Variants in VSX2 observed in about 807,000 individuals in gnomAD.
VSX2 encodes the protein ceh-10 homeo domain containing homolog.
Under a neutral mutation model 32.1 loss-of-function variants are expected in VSX2, and 28 were observed. That is an observed-to-expected ratio of 0.87 (90% CI 0.65 to 1.20). VSX2 has a LOEUF of 1.20. Ranked by LOEUF, VSX2 falls within the 50% of genes most tolerant of loss-of-function variation. The pLI is 0.00. For missense variants in VSX2, 506 were observed against 488.7 expected (o/e 1.04, Z -0.33); for synonymous variants, 243 against 214.1 (o/e 1.14, Z -1.18).
At chr14:74,242,604 C>T (rs1251143849) in intron 2 of VSX2, among the ~76,000 whole-genome samples, 2 of 132,008 alleles carry the variant, frequency 1.5e-5, no homozygotes, top group African/African-American at 2.7e-5. Flanking sequence ...TTTTTTTGGT[C>T]TTGATCTTTG....
chr14:74,260,511 C>A, intron 4 of VSX2, 83 bp from the exon 5 acceptor site: 1 of 1,351,290 alleles, frequency 7.4e-7, no homozygotes, highest in Non-Finnish European at 1.0e-6. Flanking sequence ...TTAATTCTGG[C>A]CTCTCTCTAT....
At chr14:74,245,787 C>T (rs886249839) in intron 3 of VSX2, among the ~76,000 whole-genome samples, 1 of 152,140 alleles carries the variant, frequency 6.6e-6, no homozygotes, top group African/African-American at 2.4e-5. Flanking sequence ...TGCTTCCCAC[C>T]ACTCCATCCA....
chr14:74,247,697 T>C (rs1264196568), intron 3 of VSX2, among the ~76,000 whole-genome samples: 1 of 152,140 alleles, frequency 6.6e-6, no homozygotes, highest in Non-Finnish European at 1.5e-5. Context: ...TTTGAAGTCT[T>C]TGCTTTGACT....
intron 2 of VSX2, among the ~76,000 whole-genome samples, chr14:74,244,881 AGTGTGTGTGTGTGTGTGTGTGTGT>A (rs57885912): frequency 1.4e-4 from 7 of 51,260 alleles, no homozygotes; most frequent in Admixed American, 2.3e-4. Flanking sequence ...AGAGAGAGAA[AGTGTGTGTGTGTGTGTGTGTGTGT>A]GTGTGTGTGT....
intron 2 of VSX2, 149 bp from the exon 3 acceptor site, chr14:74,245,016 G>T (rs973112044): frequency 1.5e-5 from 12 of 820,824 alleles, no homozygotes; most frequent in Non-Finnish European, 2.4e-5. Context: ...GACAGAGAGA[G>T]AGAGAGAGAG....
chr14:74,246,425 C>T (rs1594755027), intron 3 of VSX2, among the ~76,000 whole-genome samples: 1 of 152,286 alleles, frequency 6.6e-6, no homozygotes, highest in African/African-American at 2.4e-5. Flanking sequence ...TGAGGCCTTC[C>T]TCTCCCCTGG....
chr14:74,261,262 T>G lies in VSX2; in HGVS notation c.*343T>G. The G allele has an allele frequency of 9.3e-6, 3 of 322,906 alleles. No homozygotes were observed. Among genetic ancestry groups the G allele is most frequent in the Non-Finnish European group, 1.2e-5 (2 of 171,284 alleles). The allele number at this position is 322,906 out of a possible 1,614,324, so 20.0% of individuals were successfully genotyped here. ...GTTCTCTTGCTTTAAAGAGTCCTCC[T>G]TCCCAGCTCTACATTCTGCTCTGCC... On this transcript the variant is annotated 3_prime_UTR_variant, in exon 5 of 5. Coordinates refer to ENST00000261980, the MANE Select transcript of VSX2 (RefSeq NM_182894.3).
chr14:74,253,573 A>G (rs2079243128), intron 3 of VSX2, among the ~76,000 whole-genome samples: 1 of 152,218 alleles, frequency 6.6e-6, no homozygotes, highest in African/African-American at 2.4e-5. Flanking sequence ...TTTAATTTCC[A>G]CCAGAAACCT....
intron 2 of VSX2, among the ~76,000 whole-genome samples, 157 bp from the exon 3 acceptor site, chr14:74,244,996 GAGAGAGAGAGAC>G (rs1213387570): frequency 1.5e-5 from 2 of 134,106 alleles, no homozygotes; most frequent in African/African-American, 5.7e-5. Context: ...GAGAGAGAGA[GAGAGAGAGAGAC>G]AGAGAGAGAG....
chr14:74,252,635 C>A (rs1434872723), intron 3 of VSX2, among the ~76,000 whole-genome samples: 1 of 151,924 alleles, frequency 6.6e-6, no homozygotes, highest in East Asian at 2.0e-4. Context: ...GTGATCCACC[C>A]GACTCGGCCT....
At chr14:74,240,023 A>G in intron 1 of VSX2, 92 bp downstream of exon 1, 2 of 1,491,116 alleles carry the variant, frequency 1.3e-6, no homozygotes, top group East Asian at 2.5e-5. Flanking sequence ...CCAGGCCTCC[A>G]GGCGGAAAAG....
At chr14:74,250,202 A>G (rs911693234) in intron 3 of VSX2, among the ~76,000 whole-genome samples, 5 of 151,714 alleles carry the variant, frequency 3.3e-5, no homozygotes, top group Non-Finnish European at 5.9e-5. Flanking sequence ...GTGCTACTGC[A>G]CCTCAGCCTG....
intron 1 of VSX2, among the ~76,000 whole-genome samples, chr14:74,240,883 G>A (rs771936784): frequency 6.6e-6 from 1 of 152,182 alleles, no homozygotes; most frequent in East Asian, 1.9e-4. Flanking sequence ...GCGCTGCCGG[G>A]GATCTCTGCG....
intron 1 of VSX2, 149 bp downstream of exon 1, chr14:74,240,080 C>G (rs914902969): frequency 9.4e-7 from 1 of 1,069,264 alleles, no homozygotes; most frequent in East Asian, 2.7e-5. Flanking sequence ...GCCGACGCGC[C>G]TGGTGATGGG....
intron 3 of VSX2, among the ~76,000 whole-genome samples, chr14:74,257,402 A>G (rs1431476794): frequency 1.3e-5 from 2 of 152,256 alleles, no homozygotes; most frequent in African/African-American, 4.8e-5. Flanking sequence ...CGGAGGCAGC[A>G]AAAGTGCTGC....
intron 2 of VSX2, among the ~76,000 whole-genome samples, chr14:74,244,909 T>TGTGTGTGAGAGAGAGAGAGAGAGAGAGA (rs2079175771): frequency 9.2e-6 from 1 of 108,530 alleles, no homozygotes; most frequent in African/African-American, 3.5e-5. Flanking sequence ...TGTGTGTGTG[T>TGTGTGTGAGAGAGAGAGAGAGAGAGAGA]GTGTGTGTGT....
chr14:74,245,065 G>A, intron 2 of VSX2, 100 bp from the exon 3 acceptor site: 7 of 1,535,636 alleles, frequency 4.6e-6, no homozygotes, highest in South Asian at 2.3e-5. Flanking sequence ...GCCTGGGTTC[G>A]GGGCCTGCCC....
intron 3 of VSX2, among the ~76,000 whole-genome samples, chr14:74,257,718 C>CCG (rs2079275415): frequency 6.6e-6 from 1 of 150,710 alleles, no homozygotes; most frequent in Non-Finnish European, 1.5e-5. Flanking sequence ...CACCCCCCAC[C>CCG]CACTTCCCCC....
intron 3 of VSX2, among the ~76,000 whole-genome samples, chr14:74,248,700 C>T (rs1045615290): frequency 8.4e-5 from 4 of 47,676 alleles, no homozygotes; most frequent in East Asian, 4.8e-4. Context: ...CAAAAACAAA[C>T]GAACAAAAAA....
Sources: gnomAD v4.1 joint callset for allele counts (sites outside exome capture counted in the v4.1 genomes callset) on GRCh38, gnomAD v4.1.1 for gene constraint, MANE v1.5 for transcripts, NCBI Gene and HGNC (gene_info 2026-07-23, HGNC 2026-07-21) for gene names.